The following KIAA0319L variants were observed in gnomAD, a reference collection of about 807,000 sequenced individuals.
KIAA0319L encodes the protein dyslexia-associated protein KIAA0319-like protein.
Under a neutral mutation model 120.1 loss-of-function variants are expected in KIAA0319L, and 55 were observed. That is an observed-to-expected ratio of 0.46 (90% CI 0.37 to 0.57). The LOEUF (loss-of-function observed/expected upper bound fraction) is 0.57. Among genes scored for constraint, KIAA0319L ranks in the 20% least tolerant of loss-of-function variants. The pLI, the probability that KIAA0319L is intolerant of heterozygous loss-of-function variation, is 0.00. For missense variants in KIAA0319L, 1,049 were observed against 1,255.3 expected (o/e 0.84, Z 2.48); for synonymous variants, 398 against 471.9 (o/e 0.84, Z 2.03).
chr1:35,465,218 T>C (rs1045678244), intron 7 of KIAA0319L, among the ~76,000 whole-genome samples: 1 of 152,128 alleles, frequency 6.6e-6, no homozygotes, highest in Non-Finnish European at 1.5e-5. Flanking sequence ...CCGCAGACAC[T>C]CAACGCCAGG....
chr1:35,440,345 G>T (rs1382466426), intron 20 of KIAA0319L: 3 of 152,166 alleles, frequency 2.0e-5, no homozygotes, highest in Non-Finnish European at 4.4e-5. Flanking sequence ...TTTAATAAAT[G>T]CTTTATATAA....
intron 19 of KIAA0319L, 31 bp from the exon 20 acceptor site, chr1:35,441,169 G>T (rs750034442): frequency 6.3e-7 from 1 of 1,596,254 alleles, no homozygotes; most frequent in East Asian, 2.2e-5. Context: ...CCCTGCTCAG[G>T]AAAGAGGTTC....
intron 16 of KIAA0319L, 34 bp downstream of exon 16, chr1:35,448,139 T>C: frequency 6.5e-7 from 1 of 1,545,310 alleles, no homozygotes; most frequent in Non-Finnish European, 8.7e-7. Context: ...GCCCCTGGTC[T>C]TTCCTTTGCT....
chr1:35,506,330 C>A lies in KIAA0319L; in HGVS notation c.666+282G>T, dbSNP rs1056514323. Among the ~76,000 whole-genome samples, 2 of 152,206 alleles carry A rather than the reference C, an allele frequency of 1.3e-5. No homozygotes were observed. Among genetic ancestry groups the A allele is most frequent in the Non-Finnish European group, 2.9e-5 (2 of 68,028 alleles). ...TGGTTGGTGAATACTAACAGCCATA[C>A]AACTGTACTTACCTGTAGCCAAGAA... On this transcript the variant is annotated intron_variant, in intron 3 of 20. Coordinates refer to ENST00000325722, the MANE Select transcript of KIAA0319L (RefSeq NM_024874.5). This position sits in a 1 kb window ranked among gnomAD's most constrained non-coding sequence, Gnocchi z 4.0.
chr1:35,433,838 A>C lies in KIAA0319L; in HGVS notation c.*1056T>G, dbSNP rs1039485942. 3 of 152,500 alleles carry C rather than the reference A, an allele frequency of 2.0e-5. No homozygotes were observed. The highest frequency in any genetic ancestry group is 2.1e-4 in the South Asian group (1 of 4,842). The allele number at this position is 152,500 out of a possible 1,614,324, so 9.4% of individuals were successfully genotyped here. A position where few individuals can be genotyped will look rare whatever the true frequency, so the allele number is the denominator to read the frequency against. The stretch of plus-strand genomic sequence containing the variant: ...TCGCACACATGCGCTCTCATGCCAC[A>C]ACATTCCAGTCCATCTGGGGCTATC... On this transcript the variant is annotated 3_prime_UTR_variant, in exon 21 of 21. Coordinates refer to ENST00000325722, the MANE Select transcript of KIAA0319L (RefSeq NM_024874.5).
rs1175057825 is a variant in KIAA0319L at position 35,537,399 on chromosome 1, T to TA, written c.142+16950_142+16951insT. 2.1e-4 allele frequency among the ~76,000 whole-genome samples: 32 copies of TA among 151,348 alleles called. No individual in the cohort carries two copies. The South Asian group carries it at 6.7e-3, about 32-fold the overall frequency. On this transcript the variant is annotated intron_variant, in intron 2 of 20. Coordinates refer to ENST00000325722, the MANE Select transcript of KIAA0319L (RefSeq NM_024874.5). ...CCTTTCCTTTCCTTTTTTTTTTTTT[T>TA]TTTCTGGCTTGTTTTGTTGTTTTTA... is the stretch of plus-strand genomic sequence containing the variant.
Position 35,474,884 on chromosome 1 carries a change from A to G in KIAA0319L, c.936T>C (p.Ser312=), listed in dbSNP as rs996785671. ...GGGTTATCTGGACACTCTCTCCAGC[A>G]GATACCACCAGTTCCTTTATAACTG... ...PYPVIKELVV[S]AGESVQITLP... is the part of the protein sequence containing the mutation. Residue 312 remains serine, a synonymous_variant, in exon 5 of 21, where the codon TCT becomes TCC. Transcript: ENST00000325722. 1 of 1,602,286 alleles carries G rather than the reference A, an allele frequency of 6.2e-7. No individual in the cohort carries two copies. Among genetic ancestry groups the G allele is most frequent in the African/African-American group, 1.3e-5 (1 of 74,750 alleles).
rs538004902 is a variant in KIAA0319L at position 35,433,702 on chromosome 1, A to T, written c.*1192T>A. 6.6e-6 allele frequency: 1 copy of T among 152,494 alleles called. No individual in the cohort carries two copies. Among genetic ancestry groups the T allele is most frequent in the South Asian group, 2.1e-4 (1 of 4,836 alleles). The allele number at this position is 152,494 out of a possible 1,614,324, so 9.4% of individuals were successfully genotyped here. A position where few individuals can be genotyped will look rare whatever the true frequency, so the allele number is the denominator to read the frequency against. On this transcript the variant is annotated 3_prime_UTR_variant, in exon 21 of 21. Coordinates refer to ENST00000325722, the MANE Select transcript of KIAA0319L (RefSeq NM_024874.5). ...TCCAAGTCAAATTTGCCTTGTGAGC[A>T]GCCAAGAGCCCAATGAGTTGATGCA...
chr1:35,507,841 T>C (rs1245367969), intron 2 of KIAA0319L, among the ~76,000 whole-genome samples: 10 of 152,220 alleles, frequency 6.6e-5, no homozygotes, highest in African/African-American at 2.4e-4. Flanking sequence ...TAAGAAATAA[T>C]GGAACCTAAG....
intron 3 of KIAA0319L, among the ~76,000 whole-genome samples, chr1:35,485,039 T>A (rs1476538147): frequency 6.9e-6 from 1 of 143,962 alleles, no homozygotes; most frequent in African/African-American, 2.6e-5. Context: ...CTCTGCTAAA[T>A]CTAATAGCTG....
At chr1:35,513,284 ATATATTTT>A (rs1167029286) in intron 2 of KIAA0319L, among the ~76,000 whole-genome samples, 6 of 103,216 alleles carry the variant, frequency 5.8e-5, no homozygotes, top group African/African-American at 2.4e-4. Flanking sequence ...ATATATATAT[ATATATTTT>A]TTTTTTTTTT....
At chr1:35,538,778 G>A (rs544183091) in intron 2 of KIAA0319L, among the ~76,000 whole-genome samples, 1 of 151,896 alleles carries the variant, frequency 6.6e-6, no homozygotes, top group South Asian at 2.1e-4. Context: ...CAATCATGTG[G>A]CTTTTAATAG....
chr1:35,485,018 T>A (rs1026584876), intron 3 of KIAA0319L, among the ~76,000 whole-genome samples: 1 of 135,832 alleles, frequency 7.4e-6, no homozygotes, highest in African/African-American at 2.7e-5. Context: ...TTTTAACAGC[T>A]ATTTTGAAGT....
At chr1:35,477,665 T>TG (rs1191838349) in intron 4 of KIAA0319L, among the ~76,000 whole-genome samples, 1 of 70,304 alleles carries the variant, frequency 1.4e-5, no homozygotes. Context: ...AGACTCTGTC[T>TG]CAAAAAAAAA....
intron 1 of KIAA0319L, among the ~76,000 whole-genome samples, chr1:35,555,635 T>C (rs1158711276): frequency 6.6e-6 from 1 of 152,148 alleles, no homozygotes; most frequent in Non-Finnish European, 1.5e-5. Context: ...TTCAAGAGAT[T>C]ATGAAATGGA....
Position 35,550,437 on chromosome 1 carries a change from T to C in KIAA0319L, c.142+3913A>G, listed in dbSNP as rs189852822. On this transcript the variant is annotated intron_variant, in intron 2 of 20. Coordinates refer to ENST00000325722, the MANE Select transcript of KIAA0319L (RefSeq NM_024874.5). The stretch of plus-strand genomic sequence containing the variant: ...CAGGCTCCCACCAATAGGTTTTTGC[T>C]GTTATTATTTTGTTGTTGCTTTTTC... 2.4e-3 allele frequency among the ~76,000 whole-genome samples: 370 copies of C among 152,342 alleles called. 2 individuals carry two copies. The highest frequency in any genetic ancestry group is 7.9e-3 in the African/African-American group (329 of 41,586).
At chr1:35,554,122 C>T (rs1442742057) in intron 2 of KIAA0319L, among the ~76,000 whole-genome samples, 3 of 152,146 alleles carry the variant, frequency 2.0e-5, no homozygotes, top group African/African-American at 7.2e-5. Context: ...AGTCTTAAAA[C>T]GGTTGTGCCA....
At chr1:35,456,902 A>AGG (rs1642501013) in intron 9 of KIAA0319L, among the ~76,000 whole-genome samples, 1 of 136,548 alleles carries the variant, frequency 7.3e-6, no homozygotes, top group African/African-American at 2.8e-5. Context: ...GAGGGAGGGA[A>AGG]AGAAGGAAGG....
At chr1:35,471,520 G>T (rs1280923728) in intron 5 of KIAA0319L, among the ~76,000 whole-genome samples, 3 of 152,074 alleles carry the variant, frequency 2.0e-5, no homozygotes, top group Non-Finnish European at 2.9e-5. Flanking sequence ...TTTAAAACAG[G>T]CCCAGTGAAA....
Sources: gnomAD v4.1 joint callset for allele counts (sites outside exome capture counted in the v4.1 genomes callset) on GRCh38, gnomAD v4.1.1 for gene constraint, Gnocchi (gnomAD v3.1) non-coding constraint, MANE v1.5 for transcripts, NCBI Gene and HGNC (gene_info 2026-07-23, HGNC 2026-07-21) for gene names.